The following ACBD6 variants were observed in gnomAD, a reference collection of about 807,000 sequenced individuals.
ACBD6 encodes the protein acyl-CoA-binding domain-containing protein 6.
A neutral mutation model predicts 37.2 loss-of-function variants in ACBD6; 28 were observed. The observed-to-expected ratio is 0.75, with a 90% CI of 0.56 to 1.03. The LOEUF is 1.03. ACBD6 is among the 50% of genes least tolerant of loss of function. The probability of loss-of-function intolerance (pLI) is 0.00; values close to 1 mark genes in which losing one functional copy is unlikely to be tolerated. For missense variants in ACBD6, 340 were observed against 337.4 expected, an observed-to-expected ratio of 1.01 and a Z score of -0.06; for synonymous variants, 113 against 126.8, an observed-to-expected ratio of 0.89 and a Z score of 0.73.
intron 6 of ACBD6, among the ~76,000 whole-genome samples, chr1:180,384,202 T>A (rs1653762079): frequency 6.7e-6 from 1 of 149,534 alleles, no homozygotes; most frequent in Non-Finnish European, 1.5e-5. Context: ...CAGCAAACAA[T>A]CAAAAGAGTA....
At chr1:180,497,233 T>C (rs542045296) in intron 1 of ACBD6, among the ~76,000 whole-genome samples, 11 of 152,244 alleles carry the variant, frequency 7.2e-5, no homozygotes, top group Non-Finnish European at 1.5e-4. Context: ...CCATTTCTCC[T>C]ATAGTAACAG....
At chr1:180,472,967 G>A (rs1191887300) in intron 3 of ACBD6, among the ~76,000 whole-genome samples, 1 of 152,024 alleles carries the variant, frequency 6.6e-6, no homozygotes, top group Non-Finnish European at 1.5e-5. Context: ...TAGGAATCTA[G>A]TAGAATACTA....
intron 2 of ACBD6, among the ~76,000 whole-genome samples, chr1:180,494,099 G>C (rs557947517): frequency 2.0e-5 from 3 of 152,036 alleles, no homozygotes; most frequent in African/African-American, 7.2e-5. Flanking sequence ...GTAAATGGTG[G>C]GTCAGCCTGT....
intron 6 of ACBD6, among the ~76,000 whole-genome samples, chr1:180,361,840 C>T (rs1448904963): frequency 6.6e-6 from 1 of 152,160 alleles, no homozygotes; most frequent in African/African-American, 2.4e-5. Context: ...CACTTACTTT[C>T]TCTGAACATA....
chr1:180,400,739 G>A lies in ACBD6; in HGVS notation c.574-3134C>T, dbSNP rs1647316944. Among the ~76,000 whole-genome samples the A allele has an allele frequency of 1.3e-5, 2 of 152,102 alleles. 1 individual carries two copies. The highest frequency in any genetic ancestry group is 4.1e-4 in the South Asian group (2 of 4,834). On this transcript the variant is annotated intron_variant, in intron 5 of 7. Transcript: ENST00000367595. ...AACATAACCAGTAATTTGCAGAGAT[G>A]CTATCCTTATAATTAATCATGATAA...
At chr1:180,476,007 G>A (rs1167108443) in intron 3 of ACBD6, among the ~76,000 whole-genome samples, 1 of 152,132 alleles carries the variant, frequency 6.6e-6, no homozygotes, top group African/African-American at 2.4e-5. Context: ...ACAACTGGAA[G>A]ATAACATTTA....
intron 6 of ACBD6, among the ~76,000 whole-genome samples, chr1:180,381,319 A>G (rs1156546801): frequency 6.6e-6 from 1 of 152,246 alleles, no homozygotes; most frequent in Non-Finnish European, 1.5e-5. Flanking sequence ...CTAGACAGAA[A>G]GTCAACAAAG....
intron 5 of ACBD6, 142 bp from the exon 6 acceptor site, chr1:180,397,747 GA>G: frequency 2.6e-6 from 2 of 778,732 alleles, no homozygotes; most frequent in South Asian, 1.5e-5. Context: ...ATGCACTATG[GA>G]AAAAGCAATA....
At chr1:180,345,838 GTTTTT>G (rs549320550) in intron 6 of ACBD6, among the ~76,000 whole-genome samples, 5 of 151,798 alleles carry the variant, frequency 3.3e-5, no homozygotes, top group African/African-American at 9.7e-5. Flanking sequence ...ATGTCTATAT[GTTTTT>G]TTTAACTTTT....
intron 6 of ACBD6, among the ~76,000 whole-genome samples, chr1:180,394,625 A>G (rs1654196000): frequency 6.6e-6 from 1 of 152,226 alleles, no homozygotes. Flanking sequence ...AGAGCAATGG[A>G]ATGGAAGAAC....
chr1:180,334,658 G>A (rs965445976), intron 6 of ACBD6, among the ~76,000 whole-genome samples: 12 of 152,350 alleles, frequency 7.9e-5, no homozygotes, highest in African/African-American at 1.4e-4. Context: ...AAAGCTGGAC[G>A]GAGAATGACT....
intron 3 of ACBD6, among the ~76,000 whole-genome samples, chr1:180,441,180 C>T (rs1649266958): frequency 6.6e-6 from 1 of 152,074 alleles, no homozygotes; most frequent in South Asian, 2.1e-4. Flanking sequence ...GTTCCAATGT[C>T]TCTACATCCC....
intron 4 of ACBD6, among the ~76,000 whole-genome samples, chr1:180,415,527 A>T (rs1030665483): frequency 2.6e-5 from 4 of 152,202 alleles, no homozygotes; most frequent in Admixed American, 2.0e-4. Flanking sequence ...CTAATTCAAG[A>T]GGCACCAACT....
intron 6 of ACBD6, among the ~76,000 whole-genome samples, chr1:180,384,938 G>A (rs914537570): frequency 2.0e-5 from 3 of 152,118 alleles, no homozygotes; most frequent in South Asian, 4.1e-4. Context: ...TCATATGTAG[G>A]AGCTAAAAAA....
intron 3 of ACBD6, among the ~76,000 whole-genome samples, chr1:180,471,820 C>A (rs1404959178): frequency 2.0e-5 from 3 of 152,052 alleles, no homozygotes; most frequent in Non-Finnish European, 2.9e-5. Flanking sequence ...TACTCTTTCC[C>A]AATAGGTGTA....
intron 5 of ACBD6, among the ~76,000 whole-genome samples, chr1:180,408,145 T>C (rs1647702179): frequency 6.6e-6 from 1 of 152,238 alleles, no homozygotes; most frequent in African/African-American, 2.4e-5. Flanking sequence ...AACAAATGTT[T>C]GTTGCTGTAA....
Position 180,353,251 on chromosome 1 carries a change from T to C in ACBD6, c.664-38529A>G, listed in dbSNP as rs910952667. On this transcript the variant is annotated intron_variant, in intron 6 of 7. Transcript: ENST00000367595. ...ATTTGGCTGACTTAGGAAATTCTTT[T>C]TGGAATATTCTTATGTAATGTAGAT... Among the ~76,000 whole-genome samples the C allele has an allele frequency of 5.3e-5, 8 of 152,254 alleles. No individual in the cohort carries two copies. The East Asian group carries it at 1.3e-3, about 26-fold the overall frequency.
At chr1:180,286,979 T>A (rs1180574452), downstream of ACBD6, 1 of 152,234 alleles carries the variant, frequency 6.6e-6, no homozygotes, top group African/African-American at 2.4e-5. Flanking sequence ...TATCTTTGCA[T>A]CTCAACTCAT....
chr1:180,502,114 C>G lies in ACBD6; in HGVS notation c.153G>C (p.Ala51=). The change falls in exon 1 of 8, where the codon GCG becomes GCC. Residue 51 remains alanine (A), a synonymous_variant. Transcript: ENST00000367595. ...CCACCTGAATCAGGCCTTGCAGGTGCGCGGCAGCCTTCTCAAACAGCTCGG... is the reference window on the plus strand; with the variant it reads ...CCACCTGAATCAGGCCTTGCAGGTGGGCGGCAGCCTTCTCAAACAGCTCGG... ...CLAELFEKAA[A]HLQGLIQVAS... is the part of the protein sequence containing the mutation. The G allele has an allele frequency of 6.2e-7, 1 of 1,613,890 alleles. No homozygotes were observed. Among genetic ancestry groups the G allele is most frequent in the Non-Finnish European group, 8.5e-7 (1 of 1,179,890 alleles).
Sources: gnomAD v4.1 joint callset for allele counts (sites outside exome capture counted in the v4.1 genomes callset) on GRCh38, gnomAD v4.1.1 for gene constraint, MANE v1.5 for transcripts, NCBI Gene and HGNC (gene_info 2026-07-23, HGNC 2026-07-21) for gene names.